AKAP7: variants seen among roughly 807,000 people sequenced by gnomAD.
AKAP7 encodes the protein A-kinase anchoring protein 7, also known as A kinase (PRKA) anchor protein 7.
A neutral mutation model predicts 39.5 loss-of-function variants in AKAP7; 39 were observed. That is an observed-to-expected ratio of 0.99 (90% CI 0.76 to 1.29). AKAP7 has a LOEUF of 1.29. AKAP7 is among the 50% of genes most tolerant of loss of function. The probability of loss-of-function intolerance (pLI) is 0.00; values close to 1 mark genes in which losing one functional copy is unlikely to be tolerated. For synonymous variants in AKAP7, 140 were observed against 139.1 expected (o/e 1.01, Z -0.05); for missense variants, 414 against 407.7 (o/e 1.02, Z -0.13).
intron 1 of AKAP7, among the ~76,000 whole-genome samples, chr6:131,144,919 T>C (rs958398185): frequency 4.6e-5 from 7 of 152,136 alleles, no homozygotes; most frequent in Admixed American, 1.3e-4. Flanking sequence ...TTGCTAAAAA[T>C]AAGAATGAGA....
chr6:131,147,288 CTT>C (rs1316147472), intron 2 of AKAP7, among the ~76,000 whole-genome samples: 2 of 152,356 alleles, frequency 1.3e-5, no homozygotes, highest in East Asian at 3.9e-4. Context: ...CCACACTACT[CTT>C]TATCACACTG....
chr6:131,152,389 CCAG>C (rs1801993841), intron 2 of AKAP7, among the ~76,000 whole-genome samples: 3 of 152,042 alleles, frequency 2.0e-5, no homozygotes, highest in African/African-American at 7.2e-5. Flanking sequence ...AGAATAATAT[CCAG>C]TTGTATTTTA....
chr6:131,245,342 T>C (rs1811913977), intron 7 of AKAP7, among the ~76,000 whole-genome samples: 1 of 151,744 alleles, frequency 6.6e-6, no homozygotes, highest in Non-Finnish European at 1.5e-5. Context: ...CCTCCCAGGT[T>C]CATGCAATTC....
chr6:131,272,324 T>C (rs181476698), intron 7 of AKAP7, among the ~76,000 whole-genome samples: 30 of 152,310 alleles, frequency 2.0e-4, no homozygotes, highest in Non-Finnish European at 2.9e-4. Context: ...GATTAGCCTT[T>C]GGTTTCGCTG....
chr6:131,143,765 T>A (rs1355596329), intron 1 of AKAP7, among the ~76,000 whole-genome samples: 1 of 151,540 alleles, frequency 6.6e-6, no homozygotes, highest in Admixed American at 6.6e-5. Flanking sequence ...TTTTATTTTT[T>A]ATTTTTTATT....
At chr6:131,146,970 A>T (rs1276916334) in intron 2 of AKAP7, among the ~76,000 whole-genome samples, 1 of 152,212 alleles carries the variant, frequency 6.6e-6, no homozygotes, top group Non-Finnish European at 1.5e-5. Flanking sequence ...ATCTCATAAG[A>T]TGAATGCCAT....
intron 6 of AKAP7, 42 bp from the exon 7 acceptor site, chr6:131,219,619 G>A: frequency 6.5e-7 from 1 of 1,548,554 alleles, no homozygotes; most frequent in Non-Finnish European, 8.8e-7. Flanking sequence ...CTGGCTGCAT[G>A]GGTGAAATGA....
chr6:131,194,681 G>T (rs1478817181), intron 5 of AKAP7, among the ~76,000 whole-genome samples: 2 of 152,006 alleles, frequency 1.3e-5, no homozygotes, highest in African/African-American at 2.4e-5. Context: ...TCTCCCTTTA[G>T]CTCTAAAAAT....
chr6:131,221,125 T>C (rs920669638), intron 7 of AKAP7, among the ~76,000 whole-genome samples: 2 of 152,204 alleles, frequency 1.3e-5, no homozygotes, highest in Admixed American at 6.5e-5. Context: ...GAAAAGTTCT[T>C]AAAGGAAATT....
chr6:131,248,448 T>C (rs1381377994), intron 7 of AKAP7, among the ~76,000 whole-genome samples: 1 of 152,196 alleles, frequency 6.6e-6, no homozygotes, highest in Non-Finnish European at 1.5e-5. Flanking sequence ...TCCCTGCAAA[T>C]ACATCTTCAC....
chr6:131,261,574 C>T (rs979450516), intron 7 of AKAP7, among the ~76,000 whole-genome samples: 2 of 152,078 alleles, frequency 1.3e-5, no homozygotes, highest in African/African-American at 4.8e-5. Context: ...TACTGAACCT[C>T]CAATGTAAAA....
rs568838528 is a variant in AKAP7, at chr6:131,241,122, C to G, written c.850+21314C>G. On this transcript the variant is annotated intron_variant, in intron 7 of 7. Transcript: ENST00000431975. ...TCAACATTTTTGGAGCTGGAAATGA[C>G]ATTATTAGATTTGTATTTAAGAAAA... Among the ~76,000 whole-genome samples, 6 of 152,088 alleles carry G rather than the reference C, an allele frequency of 3.9e-5. No homozygotes were observed. The South Asian group carries it at 1.2e-3, about 32-fold the overall frequency.
At position 131,282,746 on chromosome 6, in the gene AKAP7, C is replaced by T. The variant is rs1180484804; in HGVS notation, c.*1020C>T. Reference sequence around the variant, plus strand: ...TTGGTGAGGAATTAGCAATTTCTTGCCAAAGAAAATTGATTCTGCCCAATT... The same window carrying T: ...TTGGTGAGGAATTAGCAATTTCTTGTCAAAGAAAATTGATTCTGCCCAATT... On this transcript the variant is annotated 3_prime_UTR_variant, in exon 8 of 8. Transcript: ENST00000431975. 2 of 601,188 alleles carry T rather than the reference C, an allele frequency of 3.3e-6. No homozygotes were observed. Among genetic ancestry groups the T allele is most frequent in the East Asian group, 6.1e-5 (2 of 32,912 alleles). The allele number at this position is 601,188 out of a possible 1,614,324, so 37.2% of individuals were successfully genotyped here. A position where few individuals can be genotyped will look rare whatever the true frequency, so the allele number is the denominator to read the frequency against.
intron 1 of AKAP7, among the ~76,000 whole-genome samples, chr6:131,143,103 CTTG>C (rs1350104504): frequency 4.6e-5 from 7 of 152,130 alleles, no homozygotes; most frequent in Non-Finnish European, 1.0e-4. Flanking sequence ...AGAAACTTAC[CTTG>C]AGTCTCAAAT....
upstream of AKAP7, among the ~76,000 whole-genome samples, chr6:131,130,576 G>A (rs1412333095): frequency 3.3e-5 from 5 of 152,346 alleles, no homozygotes; most frequent in East Asian, 5.8e-4. Context: ...GATTACAAGC[G>A]TGAGCCACTG....
rs148394029 is a variant in AKAP7 at position 131,190,048 on chromosome 6, T to C, written c.590-9413T>C. ...GGTTTCATATTAGTAAAAACTTTTC[T>C]CATCCCAAATATGACATTGCTCGAA... is the stretch of plus-strand genomic sequence containing the variant. On this transcript the variant is annotated intron_variant, in intron 5 of 7. Transcript: ENST00000431975. Among the ~76,000 whole-genome samples, 869 of 152,286 alleles carry C rather than the reference T, an allele frequency of 5.7e-3. 10 individuals are homozygous for C. Among genetic ancestry groups the C allele is most frequent in the African/African-American group, 0.02 (845 of 41,558 alleles).
chr6:131,209,285 C>G (rs1275147646), intron 6 of AKAP7, among the ~76,000 whole-genome samples: 1 of 151,868 alleles, frequency 6.6e-6, no homozygotes, highest in Non-Finnish European at 1.5e-5. Context: ...GAGTCTCGCT[C>G]TGACTCCCAG....
intron 5 of AKAP7, among the ~76,000 whole-genome samples, chr6:131,176,669 C>A (rs919643961): frequency 6.7e-4 from 102 of 152,192 alleles, no homozygotes; most frequent in African/African-American, 2.1e-3. Context: ...ATTATGCTTT[C>A]TTTCATTTTG....
chr6:131,162,935 G>C (rs118127612), intron 3 of AKAP7, among the ~76,000 whole-genome samples: 1 of 152,144 alleles, frequency 6.6e-6, no homozygotes, highest in Non-Finnish European at 1.5e-5. Context: ...AAGGTTTTTA[G>C]TGCATGCCCA....
Sources: gnomAD v4.1 joint callset for allele counts (sites outside exome capture counted in the v4.1 genomes callset) on GRCh38, gnomAD v4.1.1 for gene constraint, MANE v1.5 for transcripts, NCBI Gene and HGNC (gene_info 2026-07-23, HGNC 2026-07-21) for gene names.